Variants in CENPF observed in about 807,000 individuals in gnomAD.
CENPF encodes AH antigen.
CENPF carries 214 observed loss-of-function variants against 307.3 expected under a neutral mutation model. That is an observed-to-expected ratio of 0.70 (90% CI 0.62 to 0.78). The LOEUF (loss-of-function observed/expected upper bound fraction) is 0.78, where lower values mean the gene tolerates loss of function less well. Among genes scored for constraint, CENPF ranks in the 30% least tolerant of loss-of-function variants. The pLI is 0.00. For synonymous variants in CENPF, 1,259 were observed against 1,270.6 expected, an observed-to-expected ratio of 0.99 and a Z score of 0.19; for missense variants, 3,401 against 3,483.9, an observed-to-expected ratio of 0.98 and a Z score of 0.60.
intron 1 of CENPF, among the ~76,000 whole-genome samples, chr1:214,610,162 A>G (rs1027508051): frequency 6.6e-6 from 1 of 151,962 alleles, no homozygotes; most frequent in Non-Finnish European, 1.5e-5. Context: ...CTGGCCATGC[A>G]TGTGTCTTTA....
chr1:214,652,919 CTAGTAA>C lies in CENPF; in HGVS notation c.8253_8258del (p.Ser2752_Lys2753del). The C allele has an allele frequency of 6.2e-7, 1 of 1,607,912 alleles. No homozygotes were observed. Among genetic ancestry groups the C allele is most frequent in the Admixed American group, 1.7e-5 (1 of 58,860 alleles). ...AAGCTGGAGATAGACCTTTTAAAGT[CTAGTAA>C]AGAAGAGCTCAATAATTCATTGAAA... On this transcript the variant is annotated inframe_deletion, in exon 16 of 20. Coordinates refer to ENST00000366955, the MANE Select transcript of CENPF (RefSeq NM_016343.4).
In CENPF at chr1:214,644,958, A is replaced by G; in HGVS notation, c.5388A>G (p.Lys1796=). The G allele has an allele frequency of 6.2e-7, 1 of 1,612,902 alleles. No individual in the cohort carries two copies. The highest frequency in any genetic ancestry group is 2.2e-5 in the East Asian group (1 of 44,848). ...ATGTGATAGAGGACCGTGACAGAAA[A>G]GTTGAAAGTTTGCTAAATGAAATGA... is the stretch of plus-strand genomic sequence containing the variant. The part of the protein sequence containing the change: ...LLHVIEDRDR[K]VESLLNEMKE... Residue 1796 remains lysine (K), a synonymous_variant, in exon 13 of 20, where the codon AAA becomes AAG. Transcript: ENST00000366955.
chr1:214,621,909 G>A (rs894888236), intron 6 of CENPF, among the ~76,000 whole-genome samples, 170 bp from the exon 7 acceptor site: 32 of 152,306 alleles, frequency 2.1e-4, no homozygotes, highest in Admixed American at 1.6e-3. Flanking sequence ...GAATGCAAAT[G>A]ACAATAGAAA....
At chr1:214,617,026 C>T (rs1474703773) in intron 3 of CENPF, among the ~76,000 whole-genome samples, 2 of 140,174 alleles carry the variant, frequency 1.4e-5, no homozygotes, top group East Asian at 4.5e-4. Context: ...TTCTCTTTCT[C>T]TTTCTTTCTT....
chr1:214,656,863 G>A lies in CENPF; in HGVS notation c.8486-70G>A, dbSNP rs578202496. 1.1e-4 allele frequency: 113 copies of A among 1,001,268 alleles called. 3 individuals carry two copies. The South Asian group carries it at 1.8e-3, about 16-fold the overall frequency. 62.0% of individuals were successfully genotyped at this position (1,001,268 alleles called of 1,614,324 possible). A position where few individuals can be genotyped will look rare whatever the true frequency, so the allele number is the denominator to read the frequency against. On this transcript the variant is annotated intron_variant, in intron 17 of 19. Transcript: ENST00000366955. ...AGAAAGAACACGTCTAAGATTATCT[G>A]CTTCACGATGCCCATTGTTAACTAG... is the stretch of plus-strand genomic sequence containing the variant.
intron 1 of CENPF, chr1:214,613,003 A>AT: frequency 3.1e-6 from 1 of 325,560 alleles, no homozygotes; most frequent in Admixed American, 3.6e-5. Context: ...GGAGTGTCAC[A>AT]TTTTCTTTAG....
intron 1 of CENPF, 57 bp from the exon 2 acceptor site, chr1:214,613,657 C>T (rs188192791): frequency 1.6e-6 from 2 of 1,276,786 alleles, no homozygotes; most frequent in South Asian, 1.6e-5. Flanking sequence ...TCATTAATTT[C>T]TGAGACTTTG....
At chr1:214,652,414 A>G (rs548851113) in intron 15 of CENPF, among the ~76,000 whole-genome samples, 9 of 151,266 alleles carry the variant, frequency 5.9e-5, no homozygotes, top group African/African-American at 1.9e-4. Flanking sequence ...AGTCCTTGGA[A>G]AGGCAGGGTT....
intron 17 of CENPF, among the ~76,000 whole-genome samples, chr1:214,656,202 C>T (rs1471769318): frequency 2.6e-5 from 4 of 152,138 alleles, no homozygotes; most frequent in African/African-American, 4.8e-5. Context: ...TCACTTTTAT[C>T]CACTTATACC....
chr1:214,624,036 G>A (rs1571702699), intron 7 of CENPF, among the ~76,000 whole-genome samples: 1 of 143,296 alleles, frequency 7.0e-6, no homozygotes, highest in Non-Finnish European at 1.6e-5. Flanking sequence ...AGATTCATAT[G>A]CAGTTGTACA....
chr1:214,651,611 A>T (rs998315117), intron 14 of CENPF, 99 bp from the exon 15 acceptor site: 2 of 824,988 alleles, frequency 2.4e-6, no homozygotes, highest in African/African-American at 3.5e-5. Flanking sequence ...TTGCCCATAA[A>T]TATTTTTTTT....
chr1:214,618,526 C>A (rs1273451302), intron 3 of CENPF, 47 bp from the exon 4 acceptor site: 1 of 1,605,876 alleles, frequency 6.2e-7, no homozygotes, highest in Non-Finnish European at 8.5e-7. Flanking sequence ...TATTCTGTAG[C>A]CTTTGCTCTA....
intron 1 of CENPF, among the ~76,000 whole-genome samples, chr1:214,607,702 G>T (rs1319613201): frequency 6.6e-6 from 1 of 152,168 alleles, no homozygotes; most frequent in African/African-American, 2.4e-5. Flanking sequence ...ATCCAAAGCA[G>T]CACTGGCCCG....
intron 14 of CENPF, among the ~76,000 whole-genome samples, chr1:214,649,890 A>C (rs1658415043): frequency 6.6e-6 from 1 of 152,198 alleles, no homozygotes; most frequent in African/African-American, 2.4e-5. Context: ...TCATTTATTC[A>C]TTCTCTAAAT....
chr1:214,656,444 C>T (rs772774205), intron 17 of CENPF, among the ~76,000 whole-genome samples: 17 of 152,122 alleles, frequency 1.1e-4, no homozygotes, highest in Non-Finnish European at 1.8e-4. Flanking sequence ...CCTTTTTCAT[C>T]AGATCCTCCA....
intron 1 of CENPF, among the ~76,000 whole-genome samples, chr1:214,603,860 C>T (rs1346498540): frequency 6.6e-6 from 1 of 151,712 alleles, no homozygotes; most frequent in Non-Finnish European, 1.5e-5. Flanking sequence ...GATAGGCCTC[C>T]CTATATTGCC....
At chr1:214,619,270 T>G (rs1440932365) in intron 5 of CENPF, 50 bp downstream of exon 5, 7 of 901,164 alleles carry the variant, frequency 7.8e-6, no homozygotes, top group Admixed American at 7.2e-5. Flanking sequence ...TAGAATACTT[T>G]GATATAGAAT....
In CENPF at chr1:214,646,485, G is replaced by A. The variant is rs767622707; in HGVS notation, c.6915G>A (p.Lys2305=). 12 of 1,614,014 alleles carry A rather than the reference G, an allele frequency of 7.4e-6. No individual in the cohort carries two copies. In the Admixed American group the frequency reaches 1.2e-4, roughly 16 times the overall value. The change falls in exon 13 of 20, where the codon AAG becomes AAA. Residue 2305 remains lysine, a synonymous_variant. Coordinates refer to ENST00000366955, the MANE Select transcript of CENPF (RefSeq NM_016343.4). ...ATCAGCTGAGAAATAGCATTGAAAA[G>A]CTGAGAGCCCGCCTAGAAGCTGATG... The part of the protein sequence containing the change: ...EEHQLRNSIE[K]LRARLEADEK...
At chr1:214,606,739 C>G (rs1048247997) in intron 1 of CENPF, among the ~76,000 whole-genome samples, 1 of 152,156 alleles carries the variant, frequency 6.6e-6, no homozygotes, top group Non-Finnish European at 1.5e-5. Context: ...GCATCACCAG[C>G]TCCCACCCAG....
Sources: allele counts gnomAD v4.1 joint callset (sites outside exome capture counted in the v4.1 genomes callset), GRCh38; gene constraint gnomAD v4.1.1; transcripts MANE v1.5; gene names NCBI Gene and HGNC (gene_info 2026-07-23, HGNC 2026-07-21).